GIPC2: variants seen among roughly 807,000 people sequenced by gnomAD.
GIPC2 encodes the protein GIPC PDZ domain containing family member 2.
GIPC2 carries 30 observed loss-of-function variants against 30.6 expected under a neutral mutation model. The observed-to-expected ratio is 0.98, with a 90% CI of 0.73 to 1.33. The LOEUF is 1.33. GIPC2 is among the 40% of genes most tolerant of loss of function. GIPC2 has a pLI of 0.00. For synonymous variants in GIPC2, 167 were observed against 150.0 expected (o/e 1.11, Z -0.83); for missense variants, 414 against 390.3 (o/e 1.06, Z -0.51).
chr1:78,128,479 A>C (rs1662825773), intron 5 of GIPC2, among the ~76,000 whole-genome samples: 1 of 152,242 alleles, frequency 6.6e-6, no homozygotes, highest in Non-Finnish European at 1.5e-5. Context: ...TTTTAGACAT[A>C]TAAGGAAATA....
intron 2 of GIPC2, among the ~76,000 whole-genome samples, chr1:78,093,250 T>C (rs1662073949): frequency 1.3e-5 from 2 of 152,208 alleles, no homozygotes; most frequent in Admixed American, 1.3e-4. Flanking sequence ...GTCTTTTCTT[T>C]AATCTTGTTT....
At chr1:78,087,210 A>G (rs912778060) in intron 2 of GIPC2, among the ~76,000 whole-genome samples, 7 of 152,192 alleles carry the variant, frequency 4.6e-5, no homozygotes, top group African/African-American at 1.7e-4. Context: ...CAAATTACCA[A>G]TGACATTCTT....
At position 78,123,259 on chromosome 1, in the gene GIPC2, C is replaced by CAAAA. The variant is rs757371953; in HGVS notation, c.715-2606_715-2603dup. 5.4e-3 allele frequency among the ~76,000 whole-genome samples: 282 copies of CAAAA among 51,828 alleles called. 5 individuals carry two copies. Among genetic ancestry groups the CAAAA allele is most frequent in the East Asian group, 0.011 (21 of 1,912 alleles). 34.0% of individuals were successfully genotyped at this position (51,828 alleles called of 152,430 possible). On this transcript the variant is annotated intron_variant, in intron 4 of 5. Transcript: ENST00000370759. ...TGGGTGACAGAGTGAGACTCCATCTCAAAAAAAAAAAAAAAAAAAGGGTCA... is the reference window on the plus strand; with the variant it reads ...TGGGTGACAGAGTGAGACTCCATCTCAAAAAAAAAAAAAAAAAAAAAAAGGGTCA...
At chr1:78,128,380 A>C (rs533535786) in intron 5 of GIPC2, among the ~76,000 whole-genome samples, 9 of 152,226 alleles carry the variant, frequency 5.9e-5, no homozygotes, top group Non-Finnish European at 1.3e-4. Flanking sequence ...AATAGAATCC[A>C]TGCTGTGGTC....
rs1297737922 is a variant in GIPC2 at position 78,136,084 on chromosome 1, A to G, written c.*341A>G. ...TTTCACATATAAATAGATGATTTCA[A>G]TAGCTTTGTAGTTTTTTTTCAAAAT... On this transcript the variant is annotated 3_prime_UTR_variant, in exon 6 of 6. Coordinates refer to ENST00000370759, the MANE Select transcript of GIPC2 (RefSeq NM_017655.6). 5.8e-6 allele frequency: 1 copy of G among 173,024 alleles called. No individual in the cohort carries two copies. Among genetic ancestry groups the G allele is most frequent in the South Asian group, 1.7e-4 (1 of 5,980 alleles). The allele number at this position is 173,024 out of a possible 1,614,324, so 10.7% of individuals were successfully genotyped here. A position where few individuals can be genotyped will look rare whatever the true frequency, so the allele number is the denominator to read the frequency against.
At chr1:78,046,428 TC>T (rs1024584927) in intron 1 of GIPC2, 94 bp downstream of exon 1, 18 of 1,207,658 alleles carry the variant, frequency 1.5e-5, no homozygotes, top group Non-Finnish European at 2.1e-5. Flanking sequence ...GAGCGGCGTT[TC>T]CCGGAGCGCG....
chr1:78,135,588 A>G lies in GIPC2; in HGVS notation c.797-4A>G, dbSNP rs1354487025. 4.7e-6 allele frequency: 7 copies of G among 1,505,128 alleles called. No homozygotes were observed. The highest frequency in any genetic ancestry group is 2.1e-5 in the Admixed American group (1 of 46,886). 93.2% of individuals were successfully genotyped at this position (1,505,128 alleles called of 1,614,324 possible). A position where few individuals can be genotyped will look rare whatever the true frequency, so the allele number is the denominator to read the frequency against. ...TGTTAATTTTTTAATATTATTTTTG[A>G]TAGCCACCACAATGTTTGAAGCTGG... On this transcript the variant is annotated splice_polypyrimidine_tract_variant and splice_region_variant and intron_variant, in intron 5 of 5. Transcript: ENST00000370759.
In GIPC2 at chr1:78,046,319, A is replaced by T. The variant is rs909022117; in HGVS notation, c.225A>T (p.Glu75Asp). Residue 75 changes from glutamate to aspartate, a missense_variant, in exon 1 of 6, where the codon GAA (glutamate) becomes GAT (aspartate). By Grantham distance (45) the Glu-to-Asp change is conservative. Coordinates refer to ENST00000370759, the MANE Select transcript of GIPC2 (RefSeq NM_017655.6). ...ACGCCCAGATCGCGGGCGCGTTTGA[A>T]ATCTCGCCGTCGGAGGTAAGGCGCC... ...ELYAQIAGAF[E>D]ISPSEILYCT... 5.0e-6 allele frequency: 8 copies of T among 1,610,922 alleles called. No individual in the cohort carries two copies. The highest frequency in any genetic ancestry group is 1.7e-4 in the Middle Eastern group (1 of 5,900).
At chr1:78,133,792 G>A (rs1662949995) in intron 5 of GIPC2, among the ~76,000 whole-genome samples, 1 of 149,106 alleles carries the variant, frequency 6.7e-6, no homozygotes, top group African/African-American at 2.5e-5. Flanking sequence ...GTGTGTGTAT[G>A]TATGTATTAT....
chr1:78,106,965 T>C (rs1015620557), intron 3 of GIPC2, among the ~76,000 whole-genome samples: 19 of 151,856 alleles, frequency 1.3e-4, no homozygotes, highest in Admixed American at 1.2e-3. Flanking sequence ...CATGAGCCAC[T>C]GTGCCCGGCC....
chr1:78,057,462 A>G (rs1451171612), intron 1 of GIPC2, among the ~76,000 whole-genome samples: 1 of 152,216 alleles, frequency 6.6e-6, no homozygotes, highest in East Asian at 1.9e-4. Context: ...TGCAATATGT[A>G]ATGATCAAGT....
At chr1:78,118,337 CAAAAAA>C (rs55905283) in intron 3 of GIPC2, among the ~76,000 whole-genome samples, 1 of 12,178 alleles carries the variant, frequency 8.2e-5, no homozygotes, top group African/African-American at 3.4e-4. Flanking sequence ...TGGGGCCTAC[CAAAAAA>C]AAAAAAAAAA....
intron 2 of GIPC2, chr1:78,094,695 T>TCGG: frequency 3.9e-6 from 1 of 255,276 alleles, no homozygotes; most frequent in Non-Finnish European, 7.5e-6. Flanking sequence ...ATAGTGGTTC[T>TCGG]TGGTTGCTCA....
At chr1:78,116,999 A>G (rs1459131430) in intron 3 of GIPC2, among the ~76,000 whole-genome samples, 2 of 145,760 alleles carry the variant, frequency 1.4e-5, no homozygotes, top group African/African-American at 2.5e-5. Context: ...CTATTTCTCC[A>G]CATCCTCTCC....
chr1:78,045,501 G>T, upstream of GIPC2: 1 of 937,700 alleles, frequency 1.1e-6, no homozygotes, highest in Non-Finnish European at 1.3e-6. Context: ...ATAGGCAAAA[G>T]GGAAACTCAG....
At chr1:78,061,209 A>G (rs1661385449) in intron 1 of GIPC2, among the ~76,000 whole-genome samples, 1 of 152,210 alleles carries the variant, frequency 6.6e-6, no homozygotes, top group Non-Finnish European at 1.5e-5. Context: ...TGATATAACC[A>G]AACGTGTTCC....
intron 2 of GIPC2, among the ~76,000 whole-genome samples, chr1:78,091,176 G>A (rs1343987504): frequency 6.6e-6 from 1 of 152,174 alleles, no homozygotes; most frequent in Non-Finnish European, 1.5e-5. Context: ...TGTAATTATT[G>A]TGGCTTAAAT....
intron 1 of GIPC2, chr1:78,069,082 G>C: frequency 1.0e-6 from 1 of 985,350 alleles, no homozygotes; most frequent in Non-Finnish European, 1.2e-6. Flanking sequence ...ACTGCTTGGT[G>C]AGAGTAGGGA....
At chr1:78,053,854 G>A (rs1438477680) in intron 1 of GIPC2, among the ~76,000 whole-genome samples, 1 of 151,182 alleles carries the variant, frequency 6.6e-6, no homozygotes, top group Non-Finnish European at 1.5e-5. Flanking sequence ...CACTCAAGCC[G>A]GAGTTTGAGG....
Sources: gnomAD v4.1 joint callset for allele counts (sites outside exome capture counted in the v4.1 genomes callset) on GRCh38, gnomAD v4.1.1 for gene constraint, MANE v1.5 for transcripts, NCBI Gene and HGNC (gene_info 2026-07-23, HGNC 2026-07-21) for gene names.